AGAP3: variants seen among roughly 807,000 people sequenced by gnomAD.
AGAP3 encodes the protein ArfGAP with GTPase domain, ankyrin repeat and PH domain 3, also known as arf-GAP with GTPase, ANK repeat and PH domain-containing protein 3.
AGAP3 carries 24 observed loss-of-function variants against 96.9 expected under a neutral mutation model. That is an observed-to-expected ratio of 0.25 (90% confidence interval 0.18 to 0.35). AGAP3 has a LOEUF of 0.35. Ranked by LOEUF, AGAP3 falls within the 10% of genes least tolerant of loss-of-function variation. The probability of loss-of-function intolerance (pLI) is 1.00; values close to 1 mark genes in which losing one functional copy is unlikely to be tolerated. For missense variants in AGAP3, 876 were observed against 1,254.2 expected, an observed-to-expected ratio of 0.70 and a Z score of 4.55; for synonymous variants, 563 against 536.1, an observed-to-expected ratio of 1.05 and a Z score of -0.69.
chr7:151,098,751 T>TTG (rs1798713129), intron 1 of AGAP3, among the ~76,000 whole-genome samples: 1 of 149,728 alleles, frequency 6.7e-6, no homozygotes, highest in Non-Finnish European at 1.5e-5. Context: ...TTTTTTTTTT[T>TTG]TGAGACAGTC....
chr7:151,102,906 C>T (rs1798892036), intron 1 of AGAP3, among the ~76,000 whole-genome samples: 1 of 152,178 alleles, frequency 6.6e-6, no homozygotes, highest in Non-Finnish European at 1.5e-5. Context: ...GCCACCTCAC[C>T]CAGCCGCTAC....
At chr7:151,122,673 T>G in intron 8 of AGAP3, 1 of 1,609,408 alleles carries the variant, frequency 6.2e-7, no homozygotes, top group South Asian at 1.1e-5. Flanking sequence ...GACCGACTTG[T>G]GCGGGGCTTG....
intron 8 of AGAP3, chr7:151,123,098 G>A: frequency 1.7e-6 from 2 of 1,152,354 alleles, no homozygotes; most frequent in Non-Finnish European, 2.1e-6. Context: ...GTCCAAGCCC[G>A]CCCGGCCCGG....
chr7:151,134,688 C>T (rs1363849621), intron 11 of AGAP3, 120 bp downstream of exon 11: 2 of 1,052,198 alleles, frequency 1.9e-6, no homozygotes, highest in Non-Finnish European at 2.7e-6. Flanking sequence ...CATCACACTT[C>T]AAGGTCATCT....
At position 151,141,996 on chromosome 7, in the gene AGAP3, A is replaced by T. The variant is rs1268438403; in HGVS notation, c.1903A>T (p.Ser635Cys). The T allele has an allele frequency of 1.9e-6, 3 of 1,613,914 alleles. No individual in the cohort carries two copies. Among genetic ancestry groups the T allele is most frequent in the African/African-American group, 2.7e-5 (2 of 74,896 alleles). Residue 635 changes from serine to cysteine, a missense_variant, in exon 14 of 18, where the codon AGT becomes TGT. By Grantham distance (112) the Ser-to-Cys change is moderately radical (BLOSUM62 -1). Coordinates refer to ENST00000397238, the MANE Select transcript of AGAP3 (RefSeq NM_031946.7). This position sits in a 1 kb window ranked among gnomAD's most constrained non-coding sequence, Gnocchi z 4.2. ...GGAGGAGCGGGAGCTGTGGGTTCAG[A>T]GTGTGCAGGCCCAGATCCTTGCCAG... ...TAEERELWVQSVQAQILASLQ... is the reference protein window; with the variant it reads ...TAEERELWVQCVQAQILASLQ...
At chr7:151,138,741 C>T (rs759893051) in intron 12 of AGAP3, among the ~76,000 whole-genome samples, 5 of 152,148 alleles carry the variant, frequency 3.3e-5, no homozygotes, top group South Asian at 2.1e-4. Flanking sequence ...GTAGGGAGGT[C>T]GGACGGAGGC....
rs1563538502 is a variant in AGAP3, at chr7:151,143,921, A to T, written c.2714A>T (p.His905Leu). 1.2e-6 allele frequency: 2 copies of T among 1,613,886 alleles called. No homozygotes were observed. The highest frequency in any genetic ancestry group is 2.7e-5 in the African/African-American group (2 of 74,928). ...ANGTNPSAEL[H>L]RSPSLL ...GGCACCAACCCCTCTGCTGAGCTGC[A>T]CCGTAGTCCTAGCCTCCTATAAGGC... The change falls in exon 18 of 18, where the codon CAC becomes CTC. Residue 905 changes from histidine to leucine, a missense_variant. This residue lies in a region of AGAP3 where 213 missense variants were observed against 253.8 expected (regional missense o/e 0.84). Coordinates refer to ENST00000397238, the MANE Select transcript of AGAP3 (RefSeq NM_031946.7). This position sits in a 1 kb window ranked among gnomAD's most constrained non-coding sequence, Gnocchi z 5.9.
At position 151,086,790 on chromosome 7, in the gene AGAP3, C is replaced by T. The variant is rs2150396167; in HGVS notation, c.49C>T (p.Leu17=). Residue 17 remains leucine (L), a synonymous_variant, in exon 1 of 18, where the codon CTG becomes TTG. Coordinates refer to ENST00000397238, the MANE Select transcript of AGAP3 (RefSeq NM_031946.7). ...GGQSPQQQQS[L]AAPGGGGAAA... is the part of the protein sequence containing the mutation. ...GCAGAGCCCGCAGCAGCAGCAGAGC[C>T]TGGCGGCTCCGGGGGGCGGCGGCGC... 7.3e-6 allele frequency: 5 copies of T among 686,450 alleles called. No individual in the cohort carries two copies. Among genetic ancestry groups the T allele is most frequent in the Non-Finnish European group, 8.3e-6 (5 of 600,260 alleles). 42.5% of individuals were successfully genotyped at this position (686,450 alleles called of 1,614,324 possible).
rs200802944 is a variant in AGAP3 at position 151,108,049 on chromosome 7, GA to G, written c.332-8743del. ...CATGCTGGTCGCGTTCCTCTCCAGG[GA>G]GGAGCTGCTAGAAAGCAGAGCTAAG... On this transcript the variant is annotated intron_variant, in intron 1 of 17. Coordinates refer to ENST00000397238, the MANE Select transcript of AGAP3 (RefSeq NM_031946.7). The surrounding 1 kb of genome is among the most constrained non-coding windows in gnomAD (Gnocchi z 4.2). Among the ~76,000 whole-genome samples, 56 of 152,346 alleles carry G rather than the reference GA, an allele frequency of 3.7e-4. No individual in the cohort carries two copies. The East Asian group carries it at 0.011, about 29-fold the overall frequency.
At chr7:151,129,879 G>C (rs1328670810) in intron 10 of AGAP3, among the ~76,000 whole-genome samples, 1 of 152,232 alleles carries the variant, frequency 6.6e-6, no homozygotes, top group Non-Finnish European at 1.5e-5. Context: ...CTAAAGGAAG[G>C]GCCGGAAGAC....
At chr7:151,117,843 G>T (rs991971448) in intron 5 of AGAP3, 66 bp downstream of exon 5, 4 of 1,528,238 alleles carry the variant, frequency 2.6e-6, no homozygotes, top group Non-Finnish European at 3.5e-6. Context: ...CATGGGGGCA[G>T]GGGTGGGCAG....
At chr7:151,129,036 G>T (rs375544243) in intron 10 of AGAP3, among the ~76,000 whole-genome samples, 1 of 152,172 alleles carries the variant, frequency 6.6e-6, no homozygotes, top group East Asian at 1.9e-4. Context: ...CTGGGCCTGG[G>T]ATGGTGGAGG....
intron 1 of AGAP3, among the ~76,000 whole-genome samples, chr7:151,102,277 A>G (rs1798861297): frequency 6.6e-6 from 1 of 152,196 alleles, no homozygotes; most frequent in African/African-American, 2.4e-5. Flanking sequence ...ACTGCTAGAC[A>G]TGGCTTCACC....
chr7:151,134,582 T>G lies in AGAP3; in HGVS notation c.1495+14T>G. On this transcript the variant is annotated intron_variant, in intron 11 of 17. Coordinates refer to ENST00000397238, the MANE Select transcript of AGAP3 (RefSeq NM_031946.7). ...GTGGGGGCACAGGTGAGGCGGCTGCTGAGGTGGGGGCCTGGGGGGTGGCTG... is the reference window on the plus strand; with the variant it reads ...GTGGGGGCACAGGTGAGGCGGCTGCGGAGGTGGGGGCCTGGGGGGTGGCTG... The G allele has an allele frequency of 6.3e-7, 1 of 1,593,176 alleles. No homozygotes were observed. The highest frequency in any genetic ancestry group is 8.6e-7 in the Non-Finnish European group (1 of 1,167,612).
intron 1 of AGAP3, among the ~76,000 whole-genome samples, chr7:151,095,083 C>T (rs541334511): frequency 6.6e-6 from 1 of 152,208 alleles, no homozygotes; most frequent in African/African-American, 2.4e-5. Context: ...CTGTGTTGCC[C>T]AGGCTGGTCT....
Position 151,143,773 on chromosome 7 carries a change from C to A in AGAP3, c.2566C>A (p.Leu856Met). The change falls in exon 18 of 18, where the codon CTG becomes ATG. Residue 856 changes from leucine to methionine, a missense_variant. By Grantham distance (15) the Leu-to-Met change is conservative. This residue lies in a region of AGAP3 where 213 missense variants were observed against 253.8 expected (regional missense o/e 0.84). Coordinates refer to ENST00000397238, the MANE Select transcript of AGAP3 (RefSeq NM_031946.7). This position sits in a 1 kb window ranked among gnomAD's most constrained non-coding sequence, Gnocchi z 5.9. ...VDVRSRDARG[L>M]TPLAYARRAG... ...CGTGAGGAGCCGGGACGCCCGGGGC[C>A]TGACTCCACTGGCATATGCTCGCCG... The A allele has an allele frequency of 6.2e-7, 1 of 1,614,158 alleles. No homozygotes were observed. Among genetic ancestry groups the A allele is most frequent in the Non-Finnish European group, 8.5e-7 (1 of 1,180,048 alleles).
chr7:151,089,397 T>C (rs1045410370), intron 1 of AGAP3, among the ~76,000 whole-genome samples: 2 of 151,314 alleles, frequency 1.3e-5, no homozygotes, highest in African/African-American at 4.9e-5. Flanking sequence ...GGCTGTTACA[T>C]AAACACAGTG....
rs1218555483 is a variant in AGAP3 at position 151,139,046 on chromosome 7, C to T, written c.1666+733C>T. ...CATCATTGACCACAGATCTGAAGTT[C>T]TGAAGGCTCAAAAGGGCATGGAGCC... On this transcript the variant is annotated intron_variant, in intron 12 of 17. Transcript: ENST00000397238. This position sits in a 1 kb window ranked among gnomAD's most constrained non-coding sequence, Gnocchi z 4.9. Among the ~76,000 whole-genome samples the T allele has an allele frequency of 1.3e-5, 2 of 152,220 alleles. No homozygotes were observed. The highest frequency in any genetic ancestry group is 2.9e-5 in the Non-Finnish European group (2 of 68,034).
intron 8 of AGAP3, among the ~76,000 whole-genome samples, chr7:151,121,481 TTCCATTCTTAATC>T (rs1379886905): frequency 1.3e-5 from 2 of 152,022 alleles, no homozygotes; most frequent in Non-Finnish European, 2.9e-5. Context: ...GCTGCCTCAG[TTCCATTCTTAATC>T]TCCCCTTCCC....
Sources: allele counts gnomAD v4.1 joint callset (sites outside exome capture counted in the v4.1 genomes callset), GRCh38; gene constraint gnomAD v4.1.1; regional missense constraint gnomAD v4.1.1; non-coding constraint Gnocchi (gnomAD v3.1); transcripts MANE v1.5; gene names NCBI Gene and HGNC (gene_info 2026-07-23, HGNC 2026-07-21).